Variants in NDST4 observed in about 807,000 individuals in gnomAD.
The protein encoded by NDST4 is N-deacetylase and N-sulfotransferase 4, also known as N-heparan sulfate sulfotransferase 4.
Under a neutral mutation model 100.8 loss-of-function variants are expected in NDST4, and 63 were observed. The observed-to-expected ratio is 0.62, with a 90% confidence interval of 0.51 to 0.77. The LOEUF (loss-of-function observed/expected upper bound fraction) is 0.77. Ranked by LOEUF, NDST4 falls within the 30% of genes least tolerant of loss-of-function variation. The pLI is 0.00. For missense variants in NDST4, 943 were observed against 1,018.4 expected (o/e 0.93, Z 1.01); for synonymous variants, 377 against 361.8 (o/e 1.04, Z -0.48).
chr4:114,952,338 G>C (rs1726034787), intron 4 of NDST4, among the ~76,000 whole-genome samples: 1 of 152,038 alleles, frequency 6.6e-6, no homozygotes, highest in South Asian at 2.1e-4. Context: ...AAACAAAACA[G>C]CTGCTTGACA....
At chr4:115,012,647 G>A (rs1482019574) in intron 2 of NDST4, among the ~76,000 whole-genome samples, 1 of 151,912 alleles carries the variant, frequency 6.6e-6, no homozygotes, top group Non-Finnish European at 1.5e-5. Flanking sequence ...CCCAAAAAAT[G>A]AAAAATAGAA....
At chr4:114,990,858 G>A (rs1348928987) in intron 2 of NDST4, among the ~76,000 whole-genome samples, 1 of 151,994 alleles carries the variant, frequency 6.6e-6, no homozygotes, top group Non-Finnish European at 1.5e-5. Context: ...CAAATTTAAC[G>A]CACCGAGGCA....
At chr4:115,079,998 A>G (rs1208304206) in intron 1 of NDST4, among the ~76,000 whole-genome samples, 1 of 152,198 alleles carries the variant, frequency 6.6e-6, no homozygotes, top group Non-Finnish European at 1.5e-5. Context: ...CCAAATATAT[A>G]AGTGGACCTT....
chr4:115,058,324 T>C (rs1460855915), intron 2 of NDST4, among the ~76,000 whole-genome samples: 2 of 152,190 alleles, frequency 1.3e-5, no homozygotes, highest in East Asian at 3.9e-4. Flanking sequence ...TACTTGTATT[T>C]GGATGGCAAA....
intron 2 of NDST4, among the ~76,000 whole-genome samples, chr4:114,990,383 G>T (rs1727011171): frequency 6.6e-6 from 1 of 151,930 alleles, no homozygotes; most frequent in Non-Finnish European, 1.5e-5. Flanking sequence ...CAAATTTATG[G>T]ATACAACATT....
At chr4:114,964,229 T>C (rs921953391) in intron 4 of NDST4, among the ~76,000 whole-genome samples, 1 of 152,152 alleles carries the variant, frequency 6.6e-6, no homozygotes, top group Non-Finnish European at 1.5e-5. Flanking sequence ...ATCCAACAGC[T>C]TGTGAGGAGC....
chr4:115,009,365 C>T (rs1727491532), intron 2 of NDST4, among the ~76,000 whole-genome samples: 1 of 127,714 alleles, frequency 7.8e-6, no homozygotes, highest in Non-Finnish European at 1.7e-5. Context: ...GAACAGAGCC[C>T]TCAGAAATAA....
intron 1 of NDST4, among the ~76,000 whole-genome samples, chr4:115,092,026 G>T (rs1729530475): frequency 6.6e-6 from 1 of 151,978 alleles, no homozygotes; most frequent in South Asian, 2.1e-4. Flanking sequence ...CCTTAATTAG[G>T]TTTAGTAACA....
At chr4:115,054,737 A>C (rs1728657393) in intron 2 of NDST4, among the ~76,000 whole-genome samples, 2 of 152,148 alleles carry the variant, frequency 1.3e-5, no homozygotes, top group Non-Finnish European at 2.9e-5. Flanking sequence ...TATTGTATAG[A>C]CCTGACAATT....
intron 7 of NDST4, among the ~76,000 whole-genome samples, chr4:114,865,852 T>C (rs1012478758): frequency 3.3e-5 from 5 of 152,182 alleles, no homozygotes; most frequent in African/African-American, 1.2e-4. Context: ...AATCAAAATG[T>C]TGCTTCAGTG....
chr4:115,014,868 C>T (rs1319935781), intron 2 of NDST4, among the ~76,000 whole-genome samples: 1 of 151,980 alleles, frequency 6.6e-6, no homozygotes, highest in Non-Finnish European at 1.5e-5. Context: ...TACCATGCAA[C>T]CTGAGCATTG....
intron 4 of NDST4, among the ~76,000 whole-genome samples, chr4:114,966,786 C>T (rs944211619): frequency 2.6e-5 from 4 of 151,966 alleles, no homozygotes; most frequent in Non-Finnish European, 5.9e-5. Context: ...CGATGTAATC[C>T]ACAAATGATC....
chr4:114,830,674 T>C (rs1175092644), intron 12 of NDST4, among the ~76,000 whole-genome samples: 1 of 152,206 alleles, frequency 6.6e-6, no homozygotes, highest in Non-Finnish European at 1.5e-5. Context: ...ATGAACCAAA[T>C]AGGAAGGGAA....
intron 6 of NDST4, among the ~76,000 whole-genome samples, chr4:114,902,289 T>C (rs1224189678): frequency 6.6e-6 from 1 of 151,964 alleles, no homozygotes; most frequent in Non-Finnish European, 1.5e-5. Flanking sequence ...ACAAATTCCC[T>C]CCATTTTTGC....
chr4:115,043,542 A>G (rs1298033288), intron 2 of NDST4, among the ~76,000 whole-genome samples: 1 of 152,106 alleles, frequency 6.6e-6, no homozygotes, highest in African/African-American at 2.4e-5. Context: ...ACATAGAGGC[A>G]TCATGGAGTG....
At chr4:114,893,314 C>T (rs566362165) in intron 6 of NDST4, among the ~76,000 whole-genome samples, 10 of 152,264 alleles carry the variant, frequency 6.6e-5, no homozygotes, top group East Asian at 3.9e-4. Flanking sequence ...CTTGAGGAAT[C>T]GCCATACTGT....
At chr4:115,089,229 A>ATTCT (rs1729466389) in intron 1 of NDST4, among the ~76,000 whole-genome samples, 1 of 152,026 alleles carries the variant, frequency 6.6e-6, no homozygotes, top group Non-Finnish European at 1.5e-5. Context: ...GAAGGATATA[A>ATTCT]AATGGTTTAT....
intron 4 of NDST4, among the ~76,000 whole-genome samples, chr4:114,946,426 G>A (rs1358942753): frequency 6.6e-6 from 1 of 152,162 alleles, no homozygotes; most frequent in Non-Finnish European, 1.5e-5. Flanking sequence ...CAGAAATATA[G>A]AGTGGAATCA....
intron 2 of NDST4, among the ~76,000 whole-genome samples, chr4:114,981,155 G>C (rs1560842082): frequency 6.6e-6 from 1 of 151,666 alleles, no homozygotes; most frequent in East Asian, 1.9e-4. Flanking sequence ...AGGAGTTTGA[G>C]AGTACAATGA....
Sources: gnomAD v4.1 joint callset for allele counts (sites outside exome capture counted in the v4.1 genomes callset) on GRCh38, gnomAD v4.1.1 for gene constraint, MANE v1.5 for transcripts, NCBI Gene and HGNC (gene_info 2026-07-23, HGNC 2026-07-21) for gene names.